Variants in HNRNPCL1 observed in about 807,000 individuals in gnomAD.
HNRNPCL1 encodes the protein heterogeneous nuclear ribonucleoprotein C like 1.
Under a neutral mutation model 19.0 loss-of-function variants are expected in HNRNPCL1, and 15 were observed. That is an observed-to-expected ratio of 0.79 (90% CI 0.53 to 1.22). The LOEUF (loss-of-function observed/expected upper bound fraction) is 1.22. Among genes scored for constraint, HNRNPCL1 ranks in the 50% most tolerant of loss-of-function variants. The pLI is 0.00. For missense variants in HNRNPCL1, 327 were observed against 354.7 expected, an observed-to-expected ratio of 0.92 and a Z score of 0.63; for synonymous variants, 110 against 129.1, an observed-to-expected ratio of 0.85 and a Z score of 1.00.
At position 12,847,850 on chromosome 1, in the gene HNRNPCL1, C is replaced by T. The variant is rs1349063458; in HGVS notation, c.440G>A (p.Arg147His). Residue 147 changes from arginine (R) to histidine (H), a missense_variant, in exon 2 of 2, where the codon CGT becomes CAT. Arg to His is a conservative substitution (Grantham distance 29). Around this residue, in one of 2 missense-constraint regions of HNRNPCL1, gnomAD observed 281 missense variants for 254.7 expected, o/e 1.10. Transcript: ENST00000317869. ...CCTTCGTGAGGTGTTTCCTGATAGA[C>T]GTTGACGTTTCGAGGGCACTACAGC... ...ALAVVPSKRQ[R>H]LSGNTSRRGK... The T allele has an allele frequency of 3.1e-6, 5 of 1,606,442 alleles. No homozygotes were observed. The African/African-American group carries it at 4.0e-5, about 13-fold the overall frequency.
In HNRNPCL1 at chr1:12,847,766, A is replaced by G. The variant is rs779494076; in HGVS notation, c.524T>C (p.Leu175Ser). The G allele has an allele frequency of 4.4e-5, 70 of 1,606,638 alleles. 3 individuals carry two copies. Among genetic ancestry groups the G allele is most frequent in the Non-Finnish European group, 5.5e-5 (65 of 1,176,590 alleles). ...AATGGCCTGAAGGTCATCACCTTTC[A>G]ACTTTCCAGACTTGGAAGATCCCCG... is the stretch of plus-strand genomic sequence containing the variant. ...GKRGSSKSGK[L>S]KGDDLQAIKQ... Residue 175 changes from leucine to serine, a missense_variant, in exon 2 of 2, where the codon TTG becomes TCG. This residue lies in a region of HNRNPCL1 where 281 missense variants were observed against 254.7 expected (regional missense o/e 1.10). Transcript: ENST00000317869.
In HNRNPCL1 at chr1:12,848,033, G is replaced by A. The variant is rs1370547609; in HGVS notation, c.257C>T (p.Ala86Val). 11 of 1,606,908 alleles carry A rather than the reference G, an allele frequency of 6.8e-6. No homozygotes were observed. The Admixed American group carries it at 6.9e-5, about 10-fold the overall frequency. ...GTTTCCTCGGTTCACTTTTGGCTCC[G>A]CAGCCAGGTTAATATCTACAACCTG... ...ASQVVDINLA[A>V]EPKVNRGNAG... The change falls in exon 2 of 2, where the codon GCG becomes GTG. Residue 86 changes from alanine (A) to valine (V), a missense_variant. Coordinates refer to ENST00000317869, the MANE Select transcript of HNRNPCL1 (RefSeq NM_001013631.3).
rs562541439 is a variant in HNRNPCL1, at chr1:12,848,567, A to C, written c.-181-97T>G. 818 of 651,322 alleles carry C rather than the reference A, an allele frequency of 1.3e-3. 16 individuals are homozygous for C. Among genetic ancestry groups the C allele is most frequent in the African/African-American group, 9.2e-3 (498 of 54,152 alleles). 40.3% of individuals were successfully genotyped at this position (651,322 alleles called of 1,614,324 possible). On this transcript the variant is annotated intron_variant, in intron 1 of 1. Transcript: ENST00000317869. ...AAAGCTTCAAAGTGTTCATATGAAA[A>C]AAAGAAAAAAAGACAGGATATAGTT...
chr1:12,847,461 C>T lies in HNRNPCL1; in HGVS notation c.829G>A (p.Ala277Thr), dbSNP rs375508132. 53 of 1,606,848 alleles carry T rather than the reference C, an allele frequency of 3.3e-5. 2 individuals carry two copies. The African/African-American group carries it at 5.7e-4, about 17-fold the overall frequency. ...TCTCTGTCATCCTCTCCTTCCTCAGCCTCTTTTTCATCATCCTTGATCAAC... is the reference window on the plus strand; with the variant it reads ...TCTCTGTCATCCTCTCCTTCCTCAGTCTCTTTTTCATCATCCTTGATCAAC... ...LELIKDDEKE[A>T]EEGEDDRDST... The change falls in exon 2 of 2, where the codon GCT (alanine) becomes ACT (threonine). Residue 277 changes from alanine (A) to threonine (T), a missense_variant. Ala to Thr is a moderately conservative substitution (Grantham distance 58). Coordinates refer to ENST00000317869, the MANE Select transcript of HNRNPCL1 (RefSeq NM_001013631.3).
chr1:12,847,540 C>A lies in HNRNPCL1; in HGVS notation c.750G>T (p.Glu250Asp), dbSNP rs143857379. 124 of 1,606,718 alleles carry A rather than the reference C, an allele frequency of 7.7e-5. 6 individuals are homozygous for A. In the African/African-American group the frequency reaches 1.3e-3, roughly 17 times the overall value. The change falls in exon 2 of 2, where the codon GAG (glutamate) becomes GAT (aspartate). Residue 250 changes from glutamate (E) to aspartate (D), a missense_variant. Glu to Asp is a conservative substitution (Grantham distance 45). Around this residue, in one of 2 missense-constraint regions of HNRNPCL1, gnomAD observed 281 missense variants for 254.7 expected, o/e 1.10. Transcript: ENST00000317869. ...TAACATCATCATCCAGTGGGTCCCC[C>A]TCCTCAGCAGAGTCTTCTGCACCCC... ...SEGGAEDSAE[E>D]GDPLDDDVNE...
At position 12,847,884 on chromosome 1, in the gene HNRNPCL1, T is replaced by C. The variant is rs1640291600; in HGVS notation, c.406A>G (p.Ile136Val). ...TTCGAGGGCACTACAGCCAGAGCAA[T>C]GGGAGGAGGAGGAGGTACACGTGCT... ...FPARVPPPPPIALAVVPSKRQ... is the reference protein window; with the variant it reads ...FPARVPPPPPVALAVVPSKRQ... Residue 136 changes from isoleucine to valine, a missense_variant, in exon 2 of 2, where the codon ATT becomes GTT. Coordinates refer to ENST00000317869, the MANE Select transcript of HNRNPCL1 (RefSeq NM_001013631.3). The C allele has an allele frequency of 1.2e-6, 2 of 1,606,494 alleles. No homozygotes were observed. Among genetic ancestry groups the C allele is most frequent in the East Asian group, 4.5e-5 (2 of 44,684 alleles).
In HNRNPCL1 at chr1:12,847,703, G is replaced by T. The variant is rs752818797; in HGVS notation, c.587C>A (p.Ser196Tyr). ...AATTTTTTCCAGGTTTTCCAGGAGA[G>T]AATCCACTTTCTGTTTTATCTGGGT... is the stretch of plus-strand genomic sequence containing the variant. ...ELTQIKQKVD[S>Y]LLENLEKIEK... The change falls in exon 2 of 2, where the codon TCT becomes TAT. Residue 196 changes from serine to tyrosine, a missense_variant. By Grantham distance (144) the Ser-to-Tyr change is moderately radical. Around this residue, in one of 2 missense-constraint regions of HNRNPCL1, gnomAD observed 281 missense variants for 254.7 expected, o/e 1.10. Coordinates refer to ENST00000317869, the MANE Select transcript of HNRNPCL1 (RefSeq NM_001013631.3). 15 of 1,606,426 alleles carry T rather than the reference G, an allele frequency of 9.3e-6. No homozygotes were observed. Among genetic ancestry groups the T allele is most frequent in the African/African-American group, 2.7e-5 (2 of 74,270 alleles).
rs149796618 is a variant in HNRNPCL1, at chr1:12,847,431, T to C, written c.859A>G (p.Thr287Ala). The C allele has an allele frequency of 1.7e-5, 28 of 1,606,966 alleles. No individual in the cohort carries two copies. Among genetic ancestry groups the C allele is most frequent in the South Asian group, 6.6e-5 (6 of 90,474 alleles). ...AEEGEDDRDS[T>A]NGQDDS ...GCTTAAGAGTCATCCTGGCCATTGG[T>C]GCTGTCTCTGTCATCCTCTCCTTCC... Residue 287 changes from threonine (T) to alanine (A), a missense_variant, in exon 2 of 2, where the codon ACC becomes GCC. Physicochemically the swap from Thr to Ala is moderately conservative, Grantham distance 58. Around this residue, in one of 2 missense-constraint regions of HNRNPCL1, gnomAD observed 281 missense variants for 254.7 expected, o/e 1.10. Transcript: ENST00000317869.
rs776944700 is a variant in HNRNPCL1, at chr1:12,847,408, T to C, written c.882A>G (p.Ter294=). The change falls in exon 2 of 2, where the codon TAA becomes TAG. Residue 294 remains the stop codon, a stop_retained_variant. Coordinates refer to ENST00000317869, the MANE Select transcript of HNRNPCL1 (RefSeq NM_001013631.3). The stretch of plus-strand genomic sequence containing the variant: ...AAGATTTCTCAACCCCACTATGTGC[T>C]TAAGAGTCATCCTGGCCATTGGTGC... The part of the protein sequence containing the change: ...RDSTNGQDDS[*] The C allele has an allele frequency of 6.2e-7, 1 of 1,606,906 alleles. No individual in the cohort carries two copies. Among genetic ancestry groups the C allele is most frequent in the African/African-American group, 1.3e-5 (1 of 74,426 alleles).
rs763323069 is a variant in HNRNPCL1 at position 12,847,851 on chromosome 1, G to T, written c.439C>A (p.Arg147Ser). 3 of 1,606,486 alleles carry T rather than the reference G, an allele frequency of 1.9e-6. No individual in the cohort carries two copies. The highest frequency in any genetic ancestry group is 2.5e-6 in the Non-Finnish European group (3 of 1,176,562). ...CTTCGTGAGGTGTTTCCTGATAGAC[G>T]TTGACGTTTCGAGGGCACTACAGCC... Reference protein sequence around the residue: ...ALAVVPSKRQRLSGNTSRRGK... With the variant: ...ALAVVPSKRQSLSGNTSRRGK... The change falls in exon 2 of 2, where the codon CGT (arginine) becomes AGT (serine). Residue 147 changes from arginine to serine, a missense_variant. Arg to Ser is a moderately radical substitution (Grantham distance 110). Coordinates refer to ENST00000317869, the MANE Select transcript of HNRNPCL1 (RefSeq NM_001013631.3).
In HNRNPCL1 at chr1:12,847,940, C is replaced by T. The variant is rs777968727; in HGVS notation, c.350G>A (p.Arg117Gln). 3.1e-6 allele frequency: 5 copies of T among 1,607,228 alleles called. No individual in the cohort carries two copies. Among genetic ancestry groups the T allele is most frequent in the South Asian group, 1.1e-5 (1 of 90,662 alleles). Reference sequence around the variant, plus strand: ...ACTGTACATTCCATCATAATAATCCCGTTGAAAGCCATAGTCCAAGTCAAA... The same window carrying T: ...ACTGTACATTCCATCATAATAATCCTGTTGAAAGCCATAGTCCAAGTCAAA... ...SSFDLDYGFQ[R>Q]DYYDGMYSFP... Residue 117 changes from arginine (R) to glutamine (Q), a missense_variant, in exon 2 of 2, where the codon CGG (arginine) becomes CAG (glutamine). Coordinates refer to ENST00000317869, the MANE Select transcript of HNRNPCL1 (RefSeq NM_001013631.3).
At position 12,847,492 on chromosome 1, in the gene HNRNPCL1, C is replaced by T; in HGVS notation, c.798G>A (p.Gln266=). ...TTTCATCATCCTTGATCAACTCCAG[C>T]TGGTCATCCCCCTGATCTTCATTAA... The part of the protein sequence containing the change: ...DDVNEDQGDD[Q]LELIKDDEKE... Residue 266 remains glutamine, a synonymous_variant, in exon 2 of 2, where the codon CAG becomes CAA. Coordinates refer to ENST00000317869, the MANE Select transcript of HNRNPCL1 (RefSeq NM_001013631.3). The T allele has an allele frequency of 6.2e-7, 1 of 1,606,652 alleles. No individual in the cohort carries two copies. The highest frequency in any genetic ancestry group is 1.1e-5 in the South Asian group (1 of 90,466).
Position 12,848,048 on chromosome 1 carries a change from T to A in HNRNPCL1, c.242A>T (p.Asp81Val), listed in dbSNP as rs2982092. 6.0e-5 allele frequency: 96 copies of A among 1,606,676 alleles called. 4 individuals are homozygous for A. Among genetic ancestry groups the A allele is most frequent in the East Asian group, 3.8e-4 (17 of 44,706 alleles). ...TTTTGGCTCCGCAGCCAGGTTAATA[T>A]CTACAACCTGGCTAGCAATCATTCT... ...DGRMIASQVVDINLAAEPKVN... is the reference protein window; with the variant it reads ...DGRMIASQVVVINLAAEPKVN... Residue 81 changes from aspartate (D) to valine (V), a missense_variant, in exon 2 of 2, where the codon GAT (aspartate) becomes GTT (valine). Coordinates refer to ENST00000317869, the MANE Select transcript of HNRNPCL1 (RefSeq NM_001013631.3).
Position 12,847,817 on chromosome 1 carries a change from C to G in HNRNPCL1, c.473G>C (p.Ser158Thr), listed in dbSNP as rs749112449. ...CTTTCCACTCTTAGAATTGAAGCCA[C>G]TTTTGCCCCTTCGTGAGGTGTTTCC... ...LSGNTSRRGK[S>T]GFNSKSGKRG... Residue 158 changes from serine to threonine, a missense_variant, in exon 2 of 2, where the codon AGT becomes ACT. Transcript: ENST00000317869. 2.6e-5 allele frequency: 41 copies of G among 1,606,672 alleles called. 3 individuals carry two copies. Among genetic ancestry groups the G allele is most frequent in the Non-Finnish European group, 3.4e-5 (40 of 1,176,616 alleles).
rs781403819 is a variant in HNRNPCL1, at chr1:12,847,508, T to A, written c.782A>T (p.Asp261Val). The change falls in exon 2 of 2, where the codon GAT becomes GTT. Residue 261 changes from aspartate (D) to valine (V), a missense_variant. This residue lies in a region of HNRNPCL1 where 281 missense variants were observed against 254.7 expected (regional missense o/e 1.10). Coordinates refer to ENST00000317869, the MANE Select transcript of HNRNPCL1 (RefSeq NM_001013631.3). ...CAACTCCAGCTGGTCATCCCCCTGA[T>A]CTTCATTAACATCATCATCCAGTGG... ...GDPLDDDVNEDQGDDQLELIK... is the reference protein window; with the variant it reads ...GDPLDDDVNEVQGDDQLELIK... 2 of 1,606,694 alleles carry A rather than the reference T, an allele frequency of 1.2e-6. No individual in the cohort carries two copies. The highest frequency in any genetic ancestry group is 1.7e-6 in the Non-Finnish European group (2 of 1,176,670).
rs1640305834 is a variant in HNRNPCL1, at chr1:12,848,307, T to A, written c.-18A>T. ...CTGGCCATTGTGTTGGATGATAAGG[T>A]TTCTCAAAAAGCCAAAAACAGGAGG... is the stretch of plus-strand genomic sequence containing the variant. On this transcript the variant is annotated 5_prime_UTR_variant, in exon 2 of 2. Coordinates refer to ENST00000317869, the MANE Select transcript of HNRNPCL1 (RefSeq NM_001013631.3). 7.1e-6 allele frequency: 10 copies of A among 1,408,722 alleles called. No individual in the cohort carries two copies. In the East Asian group the frequency reaches 2.5e-4, roughly 35 times the overall value. 87.3% of individuals were successfully genotyped at this position (1,408,722 alleles called of 1,614,324 possible).
rs765628936 is a variant in HNRNPCL1 at position 12,847,975 on chromosome 1, G to C, written c.315C>G (p.Tyr105Ter). ...AGVKRSAAEM[Y>*]GSSFDLDYGF... ...CATAGTCCAAGTCAAAAGAGGAGCC[G>C]TACATCTCCGCTGCTGATCGTTTCA... Residue 105 changes from tyrosine to a stop codon, truncating the protein, a stop_gained, in exon 2 of 2, where the codon TAC (tyrosine) becomes TAG (stop). Coordinates refer to ENST00000317869, the MANE Select transcript of HNRNPCL1 (RefSeq NM_001013631.3). LOFTEE classifies it high-confidence loss of function. 2 of 1,607,620 alleles carry C rather than the reference G, an allele frequency of 1.2e-6. No homozygotes were observed. Among genetic ancestry groups the C allele is most frequent in the Non-Finnish European group, 1.7e-6 (2 of 1,177,044 alleles).
Position 12,847,907 on chromosome 1 carries a change from G to T in HNRNPCL1, c.383C>A (p.Ala128Glu). The change falls in exon 2 of 2, where the codon GCA (alanine) becomes GAA (glutamate). Residue 128 changes from alanine to glutamate, a missense_variant. Transcript: ENST00000317869. The part of the protein sequence containing the change: ...DYYDGMYSFP[A>E]RVPPPPPIAL... Reference sequence around the variant, plus strand: ...AATGGGAGGAGGAGGAGGTACACGTGCTGGGAAACTGTACATTCCATCATA... The same window carrying T: ...AATGGGAGGAGGAGGAGGTACACGTTCTGGGAAACTGTACATTCCATCATA... 6.2e-7 allele frequency: 1 copy of T among 1,606,672 alleles called. No individual in the cohort carries two copies. Among genetic ancestry groups the T allele is most frequent in the Non-Finnish European group, 8.5e-7 (1 of 1,176,578 alleles).
chr1:12,848,041 G>C lies in HNRNPCL1; in HGVS notation c.249C>G (p.Asn83Lys), dbSNP rs770390148. The change falls in exon 2 of 2, where the codon AAC becomes AAG. Residue 83 changes from asparagine to lysine, a missense_variant. Physicochemically the swap from Asn to Lys is moderately conservative, Grantham distance 94. This residue lies in a region of HNRNPCL1 where 281 missense variants were observed against 254.7 expected (regional missense o/e 1.10). Transcript: ENST00000317869. ...GGTTCACTTTTGGCTCCGCAGCCAG[G>C]TTAATATCTACAACCTGGCTAGCAA... ...RMIASQVVDI[N>K]LAAEPKVNRG... 6.2e-6 allele frequency: 10 copies of C among 1,606,904 alleles called. No homozygotes were observed. The East Asian group carries it at 2.2e-4, about 36-fold the overall frequency.
Sources: gnomAD v4.1 joint callset for allele counts on GRCh38, gnomAD v4.1.1 for gene constraint, gnomAD v4.1.1 regional missense constraint, MANE v1.5 for transcripts, NCBI Gene and HGNC (gene_info 2026-07-23, HGNC 2026-07-21) for gene names.